Variants in CYP2B6 observed in about 807,000 individuals in gnomAD.
CYP2B6 encodes the protein cytochrome P450 family 2 subfamily B member 6.
A neutral mutation model predicts 43.4 loss-of-function variants in CYP2B6; 35 were observed. That is an observed-to-expected ratio of 0.81 (90% CI 0.62 to 1.07). The LOEUF is 1.07. CYP2B6 is among the 50% of genes least tolerant of loss of function. CYP2B6 has a pLI of 0.00. For missense variants in CYP2B6, 624 were observed against 632.8 expected, an observed-to-expected ratio of 0.99 and a Z score of 0.15; for synonymous variants, 239 against 239.2, an observed-to-expected ratio of 1.00 and a Z score of 0.01.
intron 5 of CYP2B6, 168 bp from the exon 6 acceptor site, chr19:41,009,826 T>A: frequency 1.4e-6 from 1 of 690,792 alleles, no homozygotes; most frequent in Non-Finnish European, 2.6e-6. Context: ...CTGAGAGAGA[T>A]GAGTTAGAGA....
intron 1 of CYP2B6, among the ~76,000 whole-genome samples, chr19:40,994,746 A>C (rs946456561): frequency 1.3e-5 from 2 of 152,298 alleles, no homozygotes; most frequent in Admixed American, 1.3e-4. Context: ...GCCATTATTC[A>C]GATACATTTC....
intron 1 of CYP2B6, among the ~76,000 whole-genome samples, chr19:40,995,363 C>A (rs1968984945): frequency 6.6e-6 from 1 of 152,256 alleles, no homozygotes; most frequent in South Asian, 2.1e-4. Flanking sequence ...GAGACCCTGA[C>A]ATTTTGCTAC....
Position 41,016,975 on chromosome 19 carries a change from A to T in CYP2B6, c.*148A>T. The T allele has an allele frequency of 1.4e-6, 1 of 729,744 alleles. No homozygotes were observed. Among genetic ancestry groups the T allele is most frequent in the South Asian group, 1.8e-5 (1 of 54,434 alleles). 45.2% of individuals were successfully genotyped at this position (729,744 alleles called of 1,614,324 possible). ...TCCCCTCCATGGCACCAGTTGTCTG[A>T]GGTCACATTGCAAGTGAGTGCAGGA... On this transcript the variant is annotated 3_prime_UTR_variant, in exon 9 of 9. Coordinates refer to ENST00000324071, the MANE Select transcript of CYP2B6 (RefSeq NM_000767.5).
Position 41,004,399 on chromosome 19 carries a change from T to G in CYP2B6, c.437T>G (p.Ile146Ser), listed in dbSNP as rs961273743. ...GMGKRSVEER[I>S]QEEAQCLIEE... is the part of the protein sequence containing the mutation. Reference sequence around the variant, plus strand: ...GGAAAGCGGAGTGTGGAGGAGCGGATTCAGGAGGAGGCTCAGTGTCTGATA... The same window carrying G: ...GGAAAGCGGAGTGTGGAGGAGCGGAGTCAGGAGGAGGCTCAGTGTCTGATA... Residue 146 changes from isoleucine to serine, a missense_variant, in exon 3 of 9, where the codon ATT becomes AGT. Transcript: ENST00000324071. 1.2e-6 allele frequency: 2 copies of G among 1,613,802 alleles called. No individual in the cohort carries two copies. The highest frequency in any genetic ancestry group is 1.7e-6 in the Non-Finnish European group (2 of 1,179,950).
intron 8 of CYP2B6, among the ~76,000 whole-genome samples, chr19:41,015,374 T>C (rs1452001627): frequency 2.6e-5 from 4 of 152,192 alleles, no homozygotes; most frequent in African/African-American, 7.2e-5. Flanking sequence ...CTTCTGGGTA[T>C]GCCAAAGGGA....
At chr19:41,015,228 C>T (rs35295514) in intron 8 of CYP2B6, among the ~76,000 whole-genome samples, 8,063 of 152,090 alleles carry the variant, frequency 0.053, 228 homozygotes, top group Middle Eastern at 0.099. Flanking sequence ...TCCAAACAGA[C>T]GGCCCCAGAG....
intron 1 of CYP2B6, among the ~76,000 whole-genome samples, chr19:41,002,078 C>A (rs1369686398): frequency 6.6e-6 from 1 of 151,932 alleles, no homozygotes; most frequent in African/African-American, 2.4e-5. Context: ...GAAGTCAGAG[C>A]GGTAATAGGG....
rs750518496 is a variant in CYP2B6 at position 40,991,336 on chromosome 19, C to T, written c.31C>T (p.Leu11Phe). The change falls in exon 1 of 9, where the codon CTC becomes TTC. Residue 11 changes from leucine (L) to phenylalanine (F), a missense_variant. Coordinates refer to ENST00000324071, the MANE Select transcript of CYP2B6 (RefSeq NM_000767.5). ...ACTCAGCGTCCTCCTCTTCCTTGCA[C>T]TCCTCACAGGACTCTTGCTACTCCT... MELSVLLFLA[L>F]LTGLLLLLVQ... 6.2e-7 allele frequency: 1 copy of T among 1,614,112 alleles called. No individual in the cohort carries two copies. The highest frequency in any genetic ancestry group is 1.1e-5 in the South Asian group (1 of 91,080).
At chr19:41,005,550 G>A (rs1969164931) in intron 3 of CYP2B6, among the ~76,000 whole-genome samples, 1 of 152,154 alleles carries the variant, frequency 6.6e-6, no homozygotes, top group East Asian at 1.9e-4. Flanking sequence ...GGAGGCTGAG[G>A]CTGGCGGATC....
chr19:40,991,381 A>AC lies in CYP2B6; in HGVS notation c.79dup (p.His27ProfsTer2). 6.2e-7 allele frequency: 1 copy of AC among 1,613,782 alleles called. No homozygotes were observed. Among genetic ancestry groups the AC allele is most frequent in the Non-Finnish European group, 8.5e-7 (1 of 1,179,954 alleles). ...ACTCCTGGTTCAGCGCCACCCTAACACCCATGACCGCCTCCCACCAGGGCC... is the reference window on the plus strand; with the variant it reads ...ACTCCTGGTTCAGCGCCACCCTAACACCCCATGACCGCCTCCCACCAGGGCC... On this transcript the variant is annotated frameshift_variant, in exon 1 of 9. Transcript: ENST00000324071. LOFTEE classifies it high-confidence loss of function.
At chr19:41,013,882 C>T (rs1969322628) in intron 8 of CYP2B6, among the ~76,000 whole-genome samples, 1 of 152,216 alleles carries the variant, frequency 6.6e-6, no homozygotes, top group Admixed American at 6.5e-5. Flanking sequence ...GGGAAAGGAA[C>T]TGAGGTACTG....
chr19:41,001,328 C>T (rs1300181972), intron 1 of CYP2B6, among the ~76,000 whole-genome samples: 1 of 152,088 alleles, frequency 6.6e-6, no homozygotes, highest in Non-Finnish European at 1.5e-5. Context: ...TTTCATAAAC[C>T]TTCCAAGGAT....
intron 1 of CYP2B6, among the ~76,000 whole-genome samples, chr19:40,995,391 T>C (rs1007030508): frequency 6.6e-6 from 1 of 152,130 alleles, no homozygotes; most frequent in African/African-American, 2.4e-5. Flanking sequence ...AACTTGGCAT[T>C]GTCCTTCCCA....
At chr19:40,996,514 T>C (rs1969001876) in intron 1 of CYP2B6, among the ~76,000 whole-genome samples, 1 of 152,194 alleles carries the variant, frequency 6.6e-6, no homozygotes, top group Non-Finnish European at 1.5e-5. Flanking sequence ...GCTTCAAGTG[T>C]TCAAATGATC....
At chr19:41,001,693 C>T (rs970996822) in intron 1 of CYP2B6, among the ~76,000 whole-genome samples, 9 of 151,902 alleles carry the variant, frequency 5.9e-5, no homozygotes, top group African/African-American at 2.2e-4. Context: ...TTCACGAATC[C>T]AATAACAATT....
intron 1 of CYP2B6, among the ~76,000 whole-genome samples, chr19:40,996,135 G>T (rs988248580): frequency 2.6e-5 from 4 of 152,038 alleles, no homozygotes; most frequent in African/African-American, 9.7e-5. Flanking sequence ...GTGGAGTTGG[G>T]GAGTATAGGT....
At chr19:41,003,033 G>A (rs1969120295) in intron 1 of CYP2B6, among the ~76,000 whole-genome samples, 1 of 152,018 alleles carries the variant, frequency 6.6e-6, no homozygotes, top group Non-Finnish European at 1.5e-5. Flanking sequence ...CTATATTGAT[G>A]AGCATTTTAT....
intron 8 of CYP2B6, among the ~76,000 whole-genome samples, chr19:41,016,433 A>AAAAAAAAAAAAAAAGAGAG (rs1568564700): frequency 5.1e-5 from 5 of 98,954 alleles, no homozygotes; most frequent in African/African-American, 2.1e-4. Flanking sequence ...AAAAAAAAAA[A>AAAAAAAAAAAAAAAGAGAG]AGAGAGAGAG....
At chr19:40,993,027 A>C (rs1968945000) in intron 1 of CYP2B6, among the ~76,000 whole-genome samples, 1 of 152,190 alleles carries the variant, frequency 6.6e-6, no homozygotes, top group Admixed American at 6.5e-5. Context: ...AAACTGATCA[A>C]AATCGAATAA....
Sources: allele counts gnomAD v4.1 joint callset (sites outside exome capture counted in the v4.1 genomes callset), GRCh38; gene constraint gnomAD v4.1.1; transcripts MANE v1.5; gene names NCBI Gene and HGNC (gene_info 2026-07-23, HGNC 2026-07-21).